NTNG1: variants seen among roughly 807,000 people sequenced by gnomAD.
NTNG1 encodes the protein netrin G1.
Under a neutral mutation model 54.0 loss-of-function variants are expected in NTNG1, and 16 were observed. That is an observed-to-expected ratio of 0.30 (90% CI 0.20 to 0.45). The LOEUF (loss-of-function observed/expected upper bound fraction) is 0.45, where lower values mean the gene tolerates loss of function less well. Ranked by LOEUF, NTNG1 falls within the 20% of genes least tolerant of loss-of-function variation. The probability of loss-of-function intolerance (pLI) is 1.00; values close to 1 mark genes in which losing one functional copy is unlikely to be tolerated. For synonymous variants in NTNG1, 255 were observed against 263.1 expected, an observed-to-expected ratio of 0.97 and a Z score of 0.30; for missense variants, 530 against 678.7, an observed-to-expected ratio of 0.78 and a Z score of 2.43.
chr1:107,199,598 C>A (rs1477570654), intron 2 of NTNG1, among the ~76,000 whole-genome samples: 1 of 151,802 alleles, frequency 6.6e-6, no homozygotes, highest in African/African-American at 2.4e-5. Flanking sequence ...TTCTGAAAAG[C>A]GATTTCACAG....
chr1:107,144,579 G>C (rs765288568), intron 1 of NTNG1, among the ~76,000 whole-genome samples: 41 of 151,872 alleles, frequency 2.7e-4, no homozygotes, highest in African/African-American at 9.9e-4. Flanking sequence ...ATTTTGGGAG[G>C]CTTTTTTTTT....
chr1:107,434,629 G>A (rs1675487430), intron 6 of NTNG1, among the ~76,000 whole-genome samples: 1 of 152,122 alleles, frequency 6.6e-6, no homozygotes, highest in African/African-American at 2.4e-5. Flanking sequence ...ACCCATGGTT[G>A]GGTAATCAGA....
chr1:107,292,512 C>T (rs951668682), intron 2 of NTNG1, among the ~76,000 whole-genome samples: 1 of 152,108 alleles, frequency 6.6e-6, no homozygotes, highest in African/African-American at 2.4e-5. Flanking sequence ...TAATTGGTCA[C>T]TGCCAGCACC....
intron 5 of NTNG1, among the ~76,000 whole-genome samples, chr1:107,419,825 AG>A (rs1335724215): frequency 6.6e-6 from 1 of 152,056 alleles, no homozygotes; most frequent in Non-Finnish European, 1.5e-5. Flanking sequence ...CCTTGATCAG[AG>A]TGATGAAATC....
intron 2 of NTNG1, among the ~76,000 whole-genome samples, chr1:107,228,819 C>T (rs1240970403): frequency 6.6e-6 from 1 of 152,178 alleles, no homozygotes; most frequent in African/African-American, 2.4e-5. Flanking sequence ...TGGGGAGTCT[C>T]AGCTGGCATA....
At chr1:107,296,507 T>G (rs1465541383) in intron 2 of NTNG1, among the ~76,000 whole-genome samples, 1 of 151,170 alleles carries the variant, frequency 6.6e-6, no homozygotes, top group Non-Finnish European at 1.5e-5. Context: ...GGGATTATTT[T>G]TGATTTTAAT....
At chr1:107,433,276 G>A (rs1675386418) in intron 6 of NTNG1, among the ~76,000 whole-genome samples, 1 of 152,202 alleles carries the variant, frequency 6.6e-6, no homozygotes, top group Admixed American at 6.5e-5. Flanking sequence ...AGGTGCAATG[G>A]CTAATGCCTG....
chr1:107,160,916 T>A (rs1439003198), intron 2 of NTNG1, among the ~76,000 whole-genome samples: 1 of 149,482 alleles, frequency 6.7e-6, no homozygotes, highest in Non-Finnish European at 1.5e-5. Flanking sequence ...ATCCTCTGAA[T>A]TTTTTATGGG....
Position 107,466,563 on chromosome 1 carries a change from C to T in NTNG1, c.1391-14048C>T, listed in dbSNP as rs1172293925. 2.0e-5 allele frequency among the ~76,000 whole-genome samples: 3 copies of T among 152,148 alleles called. No individual in the cohort carries two copies. The East Asian group carries it at 5.8e-4, about 29-fold the overall frequency. On this transcript the variant is annotated intron_variant, in intron 7 of 7. Coordinates refer to ENST00000370068, the MANE Select transcript of NTNG1 (RefSeq NM_001113226.3). ...TCGAGGAAAGTGAAATGTGTTAGGA[C>T]AAGATATTTTAAAGCACGTCATGTG... is the stretch of plus-strand genomic sequence containing the variant.
intron 5 of NTNG1, among the ~76,000 whole-genome samples, chr1:107,418,171 A>G (rs1674341382): frequency 6.6e-6 from 1 of 152,064 alleles, no homozygotes. Context: ...AGACGAATGC[A>G]ACCAGTTCAT....
chr1:107,413,072 G>A (rs1673940161), intron 5 of NTNG1, among the ~76,000 whole-genome samples: 1 of 152,078 alleles, frequency 6.6e-6, no homozygotes, highest in Non-Finnish European at 1.5e-5. Context: ...CCAAGGCTCT[G>A]GGGATTTCTC....
chr1:107,170,717 G>C (rs1459253260), intron 2 of NTNG1, among the ~76,000 whole-genome samples: 1 of 151,028 alleles, frequency 6.6e-6, no homozygotes, highest in Non-Finnish European at 1.5e-5. Context: ...TCTTGAGGGG[G>C]AAAAAAAAGA....
At chr1:107,473,269 C>A (rs952285452) in intron 7 of NTNG1, among the ~76,000 whole-genome samples, 1 of 152,198 alleles carries the variant, frequency 6.6e-6, no homozygotes, top group Admixed American at 6.5e-5. Flanking sequence ...TAGCAGCTCA[C>A]TGACAGCATG....
intron 3 of NTNG1, among the ~76,000 whole-genome samples, chr1:107,383,883 G>A (rs960994568): frequency 3.4e-4 from 52 of 152,182 alleles, no homozygotes; most frequent in African/African-American, 1.2e-3. Flanking sequence ...CCACACCTGT[G>A]CATATATTAA....
intron 2 of NTNG1, among the ~76,000 whole-genome samples, chr1:107,306,435 T>C (rs1338182929): frequency 6.6e-6 from 1 of 152,172 alleles, no homozygotes; most frequent in Admixed American, 6.5e-5. Flanking sequence ...AACACAGGGC[T>C]GAACTGTTAA....
chr1:107,417,531 T>C (rs893384572), intron 5 of NTNG1, among the ~76,000 whole-genome samples: 2 of 152,022 alleles, frequency 1.3e-5, no homozygotes, highest in South Asian at 4.1e-4. Flanking sequence ...AGAGATCCAA[T>C]CCAATTACAG....
intron 3 of NTNG1, 77 bp downstream of exon 3, chr1:107,324,999 G>A (rs1458876858): frequency 7.9e-6 from 11 of 1,397,230 alleles, no homozygotes; most frequent in African/African-American, 7.2e-5. Flanking sequence ...CAGCTGTAAA[G>A]TGACATTTGT....
intron 2 of NTNG1, among the ~76,000 whole-genome samples, chr1:107,231,280 A>G (rs1661047825): frequency 6.6e-6 from 1 of 152,176 alleles, no homozygotes; most frequent in Admixed American, 6.5e-5. Flanking sequence ...CCACCACTGC[A>G]CCCACTCAGT....
intron 4 of NTNG1, among the ~76,000 whole-genome samples, chr1:107,398,186 T>C (rs1672802658): frequency 6.6e-6 from 1 of 152,132 alleles, no homozygotes; most frequent in African/African-American, 2.4e-5. Context: ...ATTTTTCAAA[T>C]AGGATGACGA....
Sources: allele counts gnomAD v4.1 joint callset (sites outside exome capture counted in the v4.1 genomes callset), GRCh38; gene constraint gnomAD v4.1.1; transcripts MANE v1.5; gene names NCBI Gene and HGNC (gene_info 2026-07-23, HGNC 2026-07-21).